Variants in ST6GALNAC5 observed in about 807,000 individuals in gnomAD.
The protein encoded by ST6GALNAC5 is ST6 N-acetylgalactosaminide alpha-2,6-sialyltransferase 5.
ST6GALNAC5 carries 27 observed loss-of-function variants against 33.6 expected under a neutral mutation model. That is an observed-to-expected ratio of 0.80 (90% CI 0.59 to 1.11). The LOEUF (loss-of-function observed/expected upper bound fraction) is 1.11, where lower values mean the gene tolerates loss of function less well. Among genes scored for constraint, ST6GALNAC5 ranks in the 50% least tolerant of loss-of-function variants. ST6GALNAC5 has a pLI of 0.00. For synonymous variants in ST6GALNAC5, 194 were observed against 171.2 expected (o/e 1.13, Z -1.04); for missense variants, 428 against 454.0 (o/e 0.94, Z 0.52).
chr1:76,901,091 G>T (rs769324675), intron 2 of ST6GALNAC5, among the ~76,000 whole-genome samples: 1 of 152,188 alleles, frequency 6.6e-6, no homozygotes, highest in African/African-American at 2.4e-5. Flanking sequence ...TGGAATAGTT[G>T]CAATAAGTGT....
intron 2 of ST6GALNAC5, among the ~76,000 whole-genome samples, chr1:77,037,622 A>G (rs2100455123): frequency 6.6e-6 from 1 of 152,328 alleles, no homozygotes; most frequent in South Asian, 2.1e-4. Context: ...AAAAGCAATA[A>G]GAAGCAAATA....
intron 2 of ST6GALNAC5, among the ~76,000 whole-genome samples, chr1:77,001,665 T>A (rs1352331726): frequency 6.6e-6 from 1 of 152,052 alleles, no homozygotes; most frequent in Admixed American, 6.6e-5. Flanking sequence ...ATACCTCCCA[T>A]CAATACCTAA....
In ST6GALNAC5 at chr1:76,986,077, C is replaced by A. The variant is rs532056808; in HGVS notation, c.262-58127C>A. 3.9e-5 allele frequency among the ~76,000 whole-genome samples: 6 copies of A among 152,274 alleles called. No individual in the cohort carries two copies. In the South Asian group the frequency reaches 1.2e-3, roughly 32 times the overall value. Reference sequence around the variant, plus strand: ...CCCTAGAAGAAAACCTAGGCGATACCTTTCAGGACATAGGCATGGGCAAGG... The same window carrying A: ...CCCTAGAAGAAAACCTAGGCGATACATTTCAGGACATAGGCATGGGCAAGG... On this transcript the variant is annotated intron_variant, in intron 2 of 4. Coordinates refer to ENST00000477717, the MANE Select transcript of ST6GALNAC5 (RefSeq NM_030965.3).
chr1:77,040,772 G>A (rs992839589), intron 2 of ST6GALNAC5, among the ~76,000 whole-genome samples: 10 of 152,172 alleles, frequency 6.6e-5, no homozygotes, highest in African/African-American at 2.4e-4. Context: ...ATAATTCTAG[G>A]TGAGCGTGAT....
intron 2 of ST6GALNAC5, among the ~76,000 whole-genome samples, chr1:76,923,451 G>A (rs1647054673): frequency 6.6e-6 from 1 of 152,024 alleles, no homozygotes; most frequent in South Asian, 2.1e-4. Context: ...CCAGCACTTT[G>A]GGAGGCTGAG....
chr1:76,906,585 T>G (rs1646866074), intron 2 of ST6GALNAC5, among the ~76,000 whole-genome samples: 1 of 152,182 alleles, frequency 6.6e-6, no homozygotes, highest in South Asian at 2.1e-4. Context: ...TATAATTTTT[T>G]GATTGTTGAG....
intron 2 of ST6GALNAC5, among the ~76,000 whole-genome samples, chr1:77,007,066 G>A (rs1470284323): frequency 6.6e-6 from 1 of 152,182 alleles, no homozygotes; most frequent in Non-Finnish European, 1.5e-5. Flanking sequence ...TATTATGTTT[G>A]CTTGTCCTGT....
chr1:77,002,187 A>G lies in ST6GALNAC5; in HGVS notation c.262-42017A>G, dbSNP rs1650197992. On this transcript the variant is annotated intron_variant, in intron 2 of 4. Transcript: ENST00000477717. ...TTCAGTTCCTGTTATTGGTCTATTC[A>G]GAGATTCAATTTCTTCCTGGTTTAG... Among the ~76,000 whole-genome samples, 3 of 152,198 alleles carry G rather than the reference A, an allele frequency of 2.0e-5. No individual in the cohort carries two copies. In the South Asian group the frequency reaches 6.2e-4, roughly 32 times the overall value.
chr1:77,058,026 C>T (rs1570147782), intron 4 of ST6GALNAC5, among the ~76,000 whole-genome samples: 1 of 152,146 alleles, frequency 6.6e-6, no homozygotes, highest in African/African-American at 2.4e-5. Flanking sequence ...AGCAAGAGCT[C>T]GGAGGAAAGC....
At chr1:76,905,122 TAAAAAG>T (rs1646852631) in intron 2 of ST6GALNAC5, among the ~76,000 whole-genome samples, 1 of 152,124 alleles carries the variant, frequency 6.6e-6, no homozygotes, top group African/African-American at 2.4e-5. Context: ...AAAGCGAAAT[TAAAAAG>T]AAACTAAATA....
chr1:76,889,334 T>C (rs926187255), intron 2 of ST6GALNAC5, among the ~76,000 whole-genome samples: 1 of 152,102 alleles, frequency 6.6e-6, no homozygotes, highest in African/African-American at 2.4e-5. Context: ...AGATAGTCAA[T>C]ATTGATGCAG....
At chr1:76,871,353 T>C (rs1653499553) in intron 2 of ST6GALNAC5, 1 of 152,226 alleles carries the variant, frequency 6.6e-6, no homozygotes, top group South Asian at 2.1e-4. Context: ...CCAACAGCCT[T>C]TTTTATCTGC....
intron 2 of ST6GALNAC5, among the ~76,000 whole-genome samples, chr1:76,985,193 G>C (rs1007242066): frequency 4.6e-5 from 7 of 152,032 alleles, no homozygotes; most frequent in South Asian, 2.1e-4. Flanking sequence ...AGAAAGAAAG[G>C]GTATTCAATT....
At chr1:77,037,444 A>G (rs374369511) in intron 2 of ST6GALNAC5, among the ~76,000 whole-genome samples, 3 of 152,178 alleles carry the variant, frequency 2.0e-5, no homozygotes, top group East Asian at 1.9e-4. Flanking sequence ...ACTATTGAGT[A>G]CTATCCTCAC....
At chr1:76,990,466 C>T (rs749999600) in intron 2 of ST6GALNAC5, among the ~76,000 whole-genome samples, 12 of 152,110 alleles carry the variant, frequency 7.9e-5, no homozygotes, top group East Asian at 1.9e-4. Context: ...GTGAAATGTG[C>T]GCCTTCTCAG....
At chr1:76,896,300 T>G (rs1365496563) in intron 2 of ST6GALNAC5, among the ~76,000 whole-genome samples, 1 of 152,118 alleles carries the variant, frequency 6.6e-6, no homozygotes, top group Admixed American at 6.5e-5. Flanking sequence ...TAAAGCTAAT[T>G]TGCCAGTCCT....
intron 2 of ST6GALNAC5, among the ~76,000 whole-genome samples, chr1:76,897,850 C>T (rs992410447): frequency 1.3e-5 from 2 of 152,166 alleles, no homozygotes; most frequent in African/African-American, 4.8e-5. Flanking sequence ...GAAGCCTGGC[C>T]GTCAATACCC....
chr1:76,966,393 G>A (rs1470322790), intron 2 of ST6GALNAC5, among the ~76,000 whole-genome samples: 1 of 151,946 alleles, frequency 6.6e-6, no homozygotes, highest in Non-Finnish European at 1.5e-5. Flanking sequence ...TGATGATTTG[G>A]CTCTCTGTCT....
chr1:76,961,748 T>C (rs1648249376), intron 2 of ST6GALNAC5, among the ~76,000 whole-genome samples: 2 of 152,220 alleles, frequency 1.3e-5, no homozygotes, highest in South Asian at 4.1e-4. Flanking sequence ...TCAGAAAGTC[T>C]TCCTTGATTG....
Sources: allele counts gnomAD v4.1 joint callset (sites outside exome capture counted in the v4.1 genomes callset), GRCh38; gene constraint gnomAD v4.1.1; transcripts MANE v1.5; gene names NCBI Gene and HGNC (gene_info 2026-07-23, HGNC 2026-07-21).